Variants in CACNA1E observed in about 807,000 individuals in gnomAD.
CACNA1E encodes voltage-dependent R-type calcium channel subunit alpha-1E.
A neutral mutation model predicts 259.2 loss-of-function variants in CACNA1E; 40 were observed. That is an observed-to-expected ratio of 0.15 (90% CI 0.12 to 0.20). The LOEUF is 0.20. CACNA1E is among the 10% of genes least tolerant of loss of function. The probability of loss-of-function intolerance (pLI) is 1.00; values close to 1 mark genes in which losing one functional copy is unlikely to be tolerated. For missense variants in CACNA1E, 1,874 were observed against 3,040.1 expected (o/e 0.62, Z 9.02); for synonymous variants, 1,104 against 1,138.5 (o/e 0.97, Z 0.61).
intron 6 of CACNA1E, among the ~76,000 whole-genome samples, chr1:181,592,177 T>C (rs1047471596): frequency 3.9e-5 from 6 of 152,188 alleles, no homozygotes; most frequent in African/African-American, 1.4e-4. Flanking sequence ...TAGCACTCCT[T>C]CCCAGATTCT....
chr1:181,507,114 G>A (rs1304269867), intron 1 of CACNA1E, among the ~76,000 whole-genome samples: 1 of 152,192 alleles, frequency 6.6e-6, no homozygotes, highest in East Asian at 1.9e-4. Flanking sequence ...ATCAGATAGT[G>A]GGAAGAGGAT....
In CACNA1E at chr1:181,802,240, C is replaced by CTGTT. The variant is rs943001901; in HGVS notation, c.*3408_*3411dup. ...TCTGCTGCTCTTCTGGCTGAAGAATCTGTTTTTCTTCTGGGCTTCACTTGT... is the reference window on the plus strand; with the variant it reads ...TCTGCTGCTCTTCTGGCTGAAGAATCTGTTTGTTTTTCTTCTGGGCTTCACTTGT... On this transcript the variant is annotated 3_prime_UTR_variant, in exon 48 of 48. Coordinates refer to ENST00000367573, the MANE Select transcript of CACNA1E (RefSeq NM_001205293.3). The CTGTT allele has an allele frequency of 2.0e-5, 3 of 152,292 alleles. No individual in the cohort carries two copies. Among genetic ancestry groups the CTGTT allele is most frequent in the Non-Finnish European group, 2.9e-5 (2 of 68,104 alleles). 9.4% of individuals were successfully genotyped at this position (152,292 alleles called of 1,614,324 possible). A position where few individuals can be genotyped will look rare whatever the true frequency, so the allele number is the denominator to read the frequency against.
At chr1:181,368,485 T>C (rs1023384401) in intron 1 of CACNA1E, among the ~76,000 whole-genome samples, 1 of 152,176 alleles carries the variant, frequency 6.6e-6, no homozygotes, top group African/African-American at 2.4e-5. Context: ...AATAAGAATA[T>C]CAATTTATGT....
intron 7 of CACNA1E, among the ~76,000 whole-genome samples, chr1:181,703,405 G>A (rs1652471236): frequency 6.6e-6 from 1 of 152,108 alleles, no homozygotes; most frequent in African/African-American, 2.4e-5. Context: ...CACCACGATG[G>A]AGCTAGGATT....
intron 7 of CACNA1E, among the ~76,000 whole-genome samples, chr1:181,686,902 T>C (rs948679653): frequency 1.3e-5 from 2 of 152,204 alleles, no homozygotes; most frequent in African/African-American, 4.8e-5. Context: ...CTTTTGGATT[T>C]TTCTGTAGCT....
chr1:181,645,293 G>T (rs1393141256), intron 6 of CACNA1E, among the ~76,000 whole-genome samples: 1 of 152,144 alleles, frequency 6.6e-6, no homozygotes, highest in Non-Finnish European at 1.5e-5. Context: ...CTAGAGGCTG[G>T]TTGTCCAGTG....
chr1:181,544,715 C>T (rs190786742), intron 3 of CACNA1E, among the ~76,000 whole-genome samples: 30 of 152,264 alleles, frequency 2.0e-4, no homozygotes, highest in Admixed American at 1.0e-3. Context: ...ATTGTGGCCC[C>T]AAGTGAGCTG....
intron 25 of CACNA1E, among the ~76,000 whole-genome samples, chr1:181,744,603 C>T (rs1470477892): frequency 6.6e-6 from 1 of 152,244 alleles, no homozygotes; most frequent in Admixed American, 6.5e-5. Flanking sequence ...TCCTATTCTT[C>T]ACTACCTGCC....
chr1:181,693,840 T>C (rs1490577207), intron 7 of CACNA1E, among the ~76,000 whole-genome samples: 1 of 152,098 alleles, frequency 6.6e-6, no homozygotes, highest in African/African-American at 2.4e-5. Context: ...AAATTTAAAA[T>C]CTAAATAAAC....
At position 181,592,444 on chromosome 1, in the gene CACNA1E, T is replaced by A. The variant is rs1437597015; in HGVS notation, c.951+11668T>A. 2.2e-5 allele frequency among the ~76,000 whole-genome samples: 3 copies of A among 137,994 alleles called. No homozygotes were observed. The East Asian group carries it at 6.7e-4, about 31-fold the overall frequency. 90.5% of individuals were successfully genotyped at this position (137,994 alleles called of 152,430 possible). ...CGCAGGGACTATGGCTGCTGCAGCCTCTGCTTGTCCTGCCTCACTACAGCT... is the reference window on the plus strand; with the variant it reads ...CGCAGGGACTATGGCTGCTGCAGCCACTGCTTGTCCTGCCTCACTACAGCT... On this transcript the variant is annotated intron_variant, in intron 6 of 47. Transcript: ENST00000367573.
At chr1:181,559,077 G>C (rs1042837705) in intron 3 of CACNA1E, among the ~76,000 whole-genome samples, 1 of 152,210 alleles carries the variant, frequency 6.6e-6, no homozygotes, top group Non-Finnish European at 1.5e-5. Context: ...GAGCATTCAA[G>C]AAACAGAGAA....
chr1:181,760,906 C>T (rs1234650215), intron 32 of CACNA1E, among the ~76,000 whole-genome samples: 2 of 152,160 alleles, frequency 1.3e-5, no homozygotes, highest in Admixed American at 6.5e-5. Flanking sequence ...AGCTTCTGGT[C>T]CTCTGAGACC....
In CACNA1E at chr1:181,326,278, A is replaced by C. The variant is rs189382656; in HGVS notation, c.-15+8155A>C. 4.6e-4 allele frequency among the ~76,000 whole-genome samples: 70 copies of C among 152,306 alleles called. No individual in the cohort carries two copies. The East Asian group carries it at 6.6e-3, about 14-fold the overall frequency. ...GATCCTGAGTTTGAATCCAGTCTTG[A>C]CTTCGAAACCAGAATTATTGTGAGG... On this transcript the variant is annotated intron_variant, in intron 1 of 11. Coordinates refer to the CACNA1E transcript ENST00000524607.
rs1205982576 is a variant in CACNA1E, at chr1:181,372,828, A to ATTTTT, written c.-14-40299_-14-40295dup. Among the ~76,000 whole-genome samples the ATTTTT allele has an allele frequency of 7.7e-4, 78 of 101,646 alleles. 1 individual carries two copies. The highest frequency in any genetic ancestry group is 1.2e-3 in the Non-Finnish European group (51 of 43,208). The allele number at this position is 101,646 out of a possible 152,430, so 66.7% of individuals were successfully genotyped here. On this transcript the variant is annotated intron_variant, in intron 1 of 11. Coordinates refer to the CACNA1E transcript ENST00000524607. ...ATGTTGAATATATATATATATATATATTTTTTTTTTAACATGAAGGGATAT... is the reference window on the plus strand; with the variant it reads ...ATGTTGAATATATATATATATATATATTTTTTTTTTTTTTTAACATGAAGGGATAT...
intron 3 of CACNA1E, among the ~76,000 whole-genome samples, chr1:181,545,564 T>A (rs1647357925): frequency 6.6e-6 from 1 of 152,112 alleles, no homozygotes; most frequent in Non-Finnish European, 1.5e-5. Context: ...TGACTACTCC[T>A]GGCTCCACAC....
Position 181,805,352 on chromosome 1 carries a change from A to C in CACNA1E, c.*6518A>C, listed in dbSNP as rs1662561021. 1 of 152,260 alleles carries C rather than the reference A, an allele frequency of 6.6e-6. No individual in the cohort carries two copies. The highest frequency in any genetic ancestry group is 2.1e-4 in the South Asian group (1 of 4,830). The allele number at this position is 152,260 out of a possible 1,614,324, so 9.4% of individuals were successfully genotyped here. A position where few individuals can be genotyped will look rare whatever the true frequency, so the allele number is the denominator to read the frequency against. On this transcript the variant is annotated 3_prime_UTR_variant, in exon 48 of 48. Transcript: ENST00000367573. Reference sequence around the variant, plus strand: ...GGCACAAGAACCACCACTTAAAGCAAATCTGTTGAACATTTTTATAAGGGA... The same window carrying C: ...GGCACAAGAACCACCACTTAAAGCACATCTGTTGAACATTTTTATAAGGGA...
In CACNA1E at chr1:181,492,926, A is replaced by G. The variant is rs113703520; in HGVS notation, c.266+8916A>G. Among the ~76,000 whole-genome samples, 308 of 152,302 alleles carry G rather than the reference A, an allele frequency of 2.0e-3. 2 individuals carry two copies. The highest frequency in any genetic ancestry group is 7.2e-3 in the African/African-American group (298 of 41,564). On this transcript the variant is annotated intron_variant, in intron 1 of 47. Coordinates refer to ENST00000367573, the MANE Select transcript of CACNA1E (RefSeq NM_001205293.3). Reference sequence around the variant, plus strand: ...AGTTTGAAACTCTATGGAACTTCAGAGTATGACCTGAATAAATGTCTGAGT... The same window carrying G: ...AGTTTGAAACTCTATGGAACTTCAGGGTATGACCTGAATAAATGTCTGAGT...
Position 181,483,607 on chromosome 1 carries a change from C to T in CACNA1E, c.-138C>T. 1 of 499,844 alleles carries T rather than the reference C, an allele frequency of 2.0e-6. No homozygotes were observed. Among genetic ancestry groups the T allele is most frequent in the Non-Finnish European group, 3.4e-6 (1 of 290,134 alleles). 31.0% of individuals were successfully genotyped at this position (499,844 alleles called of 1,614,324 possible). ...TGCTGCTGCCTCTCCGAAGAGCTCGCGGAGCTCCCCAGAGGCGGTGGTCCC... is the reference window on the plus strand; with the variant it reads ...TGCTGCTGCCTCTCCGAAGAGCTCGTGGAGCTCCCCAGAGGCGGTGGTCCC... On this transcript the variant is annotated 5_prime_UTR_variant, in exon 1 of 48. Transcript: ENST00000367573.
At chr1:181,347,489 G>GAGAAGCTCTTGC (rs1317429824) in intron 1 of CACNA1E, among the ~76,000 whole-genome samples, 1 of 152,110 alleles carries the variant, frequency 6.6e-6, no homozygotes, top group African/African-American at 2.4e-5. Flanking sequence ...ATTCCTACTA[G>GAGAAGCTCTTGC]AGAAGCTCTT....
Sources: gnomAD v4.1 joint callset for allele counts (sites outside exome capture counted in the v4.1 genomes callset) on GRCh38, gnomAD v4.1.1 for gene constraint, MANE v1.5 for transcripts, NCBI Gene and HGNC (gene_info 2026-07-23, HGNC 2026-07-21) for gene names.